The following SLC22A24 variants were observed in gnomAD, a reference collection of about 807,000 sequenced individuals.
The protein encoded by SLC22A24 is steroid transmembrane transporter SLC22A24.
A neutral mutation model predicts 49.8 loss-of-function variants in SLC22A24; 53 were observed. The observed-to-expected ratio is 1.06, with a 90% CI of 0.85 to 1.34. The LOEUF (loss-of-function observed/expected upper bound fraction) is 1.34. Among genes scored for constraint, SLC22A24 ranks in the 40% most tolerant of loss-of-function variants. SLC22A24 has a pLI of 0.00. For missense variants in SLC22A24, 786 were observed against 675.9 expected (o/e 1.16, Z -1.81); for synonymous variants, 302 against 256.4 (o/e 1.18, Z -1.70).
chr11:63,124,030 G>A (rs911851091), intron 2 of SLC22A24, among the ~76,000 whole-genome samples: 13 of 152,074 alleles, frequency 8.5e-5, no homozygotes, highest in African/African-American at 2.7e-4. Context: ...GATCTTTGAG[G>A]GGGTGAAATT....
chr11:63,085,566 G>T (rs965775182), intron 6 of SLC22A24, among the ~76,000 whole-genome samples: 7 of 152,058 alleles, frequency 4.6e-5, no homozygotes, highest in African/African-American at 1.4e-4. Context: ...TCCATTTTTT[G>T]ACTGAAATGA....
rs533767959 is a variant in SLC22A24, at chr11:63,093,562, G to A, written c.1070+2429C>T. 2.6e-5 allele frequency among the ~76,000 whole-genome samples: 4 copies of A among 152,006 alleles called. No homozygotes were observed. In the East Asian group the frequency reaches 5.8e-4, roughly 22 times the overall value. ...TTGCAGGAACATGGGTGGGGCTGGAGGTTATTATCCTTAGCAAACTAATGC... is the reference window on the plus strand; with the variant it reads ...TTGCAGGAACATGGGTGGGGCTGGAAGTTATTATCCTTAGCAAACTAATGC... On this transcript the variant is annotated intron_variant, in intron 6 of 9. Coordinates refer to ENST00000612278, the MANE Select transcript of SLC22A24 (RefSeq NM_001136506.2).
chr11:63,140,719 A>G (rs1351338095), intron 1 of SLC22A24, among the ~76,000 whole-genome samples: 1 of 152,244 alleles, frequency 6.6e-6, no homozygotes, highest in African/African-American at 2.4e-5. Flanking sequence ...ACATTGGAAT[A>G]TGAAATTGAG....
chr11:63,128,612 TAGTG>T (rs1318342081), intron 2 of SLC22A24, among the ~76,000 whole-genome samples: 1 of 152,176 alleles, frequency 6.6e-6, no homozygotes, highest in East Asian at 1.9e-4. Context: ...GTAGCAGAAT[TAGTG>T]AAAGTACTAA....
In SLC22A24 at chr11:63,100,553, A is replaced by C. The variant is rs950081302; in HGVS notation, c.954+3622T>G. On this transcript the variant is annotated intron_variant, in intron 5 of 9. Coordinates refer to ENST00000612278, the MANE Select transcript of SLC22A24 (RefSeq NM_001136506.2). ...TGATATTCTTCACAGAAATAGAAAAAATAGTCTTAATGTTTTAGTGGAACC... is the reference window on the plus strand; with the variant it reads ...TGATATTCTTCACAGAAATAGAAAACATAGTCTTAATGTTTTAGTGGAACC... Among the ~76,000 whole-genome samples the C allele has an allele frequency of 7.7e-4, 117 of 152,288 alleles. 1 individual carries two copies. Among genetic ancestry groups the C allele is most frequent in the Non-Finnish European group, 1.0e-4 (7 of 68,008 alleles).
Position 63,119,007 on chromosome 11 carries a change from C to G in SLC22A24, c.735G>C (p.Gln245His). 6.4e-7 allele frequency: 1 copy of G among 1,551,728 alleles called. No homozygotes were observed. Among genetic ancestry groups the G allele is most frequent in the Non-Finnish European group, 8.7e-7 (1 of 1,146,954 alleles). The change falls in exon 4 of 10, where the codon CAG becomes CAC. Residue 245 changes from glutamine to histidine, a missense_variant. Coordinates refer to ENST00000612278, the MANE Select transcript of SLC22A24 (RefSeq NM_001136506.2). ...CAAAAGCCAGCCCTCCTAGGAGCAT[C>G]TGCCCAACACTGTAGGAACATAATA... Reference protein sequence around the residue: ...MVLLCSYSVGQMLLGGLAFAI... With the variant: ...MVLLCSYSVGHMLLGGLAFAI...
intron 6 of SLC22A24, among the ~76,000 whole-genome samples, chr11:63,090,023 G>A (rs2087009826): frequency 7.4e-6 from 1 of 135,804 alleles, no homozygotes; most frequent in Non-Finnish European, 1.5e-5. Context: ...AGAGCTTGCA[G>A]AGAGCTGAGA....
intron 2 of SLC22A24, among the ~76,000 whole-genome samples, chr11:63,120,180 A>G (rs1468239772): frequency 1.3e-5 from 2 of 150,736 alleles, no homozygotes. Context: ...GGTGTTTTAG[A>G]CATGAAGTCC....
At chr11:63,080,782 A>G (rs536270930) in intron 9 of SLC22A24, 138 bp downstream of exon 9, 25 of 692,448 alleles carry the variant, frequency 3.6e-5, no homozygotes, top group Non-Finnish European at 5.3e-5. Context: ...ACTAAAGGAC[A>G]TGGTGACAAA....
At chr11:63,080,027 C>G in intron 9 of SLC22A24, 27 bp from the exon 10 acceptor site, 1 of 1,435,578 alleles carries the variant, frequency 7.0e-7, no homozygotes, top group Non-Finnish European at 9.6e-7. Flanking sequence ...CAAACAAAAA[C>G]AAGATTAAGA....
chr11:63,091,488 C>G (rs1170616722), intron 6 of SLC22A24, among the ~76,000 whole-genome samples: 1 of 152,170 alleles, frequency 6.6e-6, no homozygotes, highest in African/African-American at 2.4e-5. Flanking sequence ...CCCTGGTGAA[C>G]ATCGATGAGA....
intron 4 of SLC22A24, among the ~76,000 whole-genome samples, chr11:63,109,209 G>T (rs937206530): frequency 1.1e-4 from 16 of 145,886 alleles, no homozygotes; most frequent in African/African-American, 4.0e-4. Context: ...GTATTCCATG[G>T]TGTATATGTG....
At position 63,081,596 on chromosome 11, in the gene SLC22A24, A is replaced by G; in HGVS notation, c.1356T>C (p.Ala452=). 1.9e-6 allele frequency: 3 copies of G among 1,551,628 alleles called. No homozygotes were observed. Among genetic ancestry groups the G allele is most frequent in the Non-Finnish European group, 1.7e-6 (2 of 1,146,908 alleles). Residue 452 remains alanine (A), a synonymous_variant, in exon 8 of 10, where the codon GCT becomes GCC. Coordinates refer to ENST00000612278, the MANE Select transcript of SLC22A24 (RefSeq NM_001136506.2). ...IGSVSAASNS[A]SVHHNELVPT... ...GGACGAGCTCGTTGTGGTGGACAGA[A>G]GCACTGTTGCTAGCAGCAGAAACAC...
At chr11:63,104,327 T>C (rs896162008) in intron 4 of SLC22A24, 29 bp from the exon 5 acceptor site, 8 of 1,528,556 alleles carry the variant, frequency 5.2e-6, no homozygotes, top group Non-Finnish European at 7.0e-6. Context: ...ATAGGTATAG[T>C]AAACAATTAC....
intron 4 of SLC22A24, among the ~76,000 whole-genome samples, chr11:63,112,398 G>A (rs944445367): frequency 4.6e-5 from 7 of 152,052 alleles, no homozygotes; most frequent in Non-Finnish European, 1.0e-4. Flanking sequence ...CAATTCCTGG[G>A]TATCCTTGTT....
Position 63,119,018 on chromosome 11 carries a change from T to C in SLC22A24, c.724A>G (p.Ser242Gly). The change falls in exon 4 of 10, where the codon AGT becomes GGT. Residue 242 changes from serine to glycine, a missense_variant. Ser to Gly is a moderately conservative substitution (Grantham distance 56). Transcript: ENST00000612278. ...CCTCCTAGGAGCATCTGCCCAACAC[T>C]GTAGGAACATAATAGCACCATTATT... ...MTIMVLLCSYSVGQMLLGGLA... is the reference protein window; with the variant it reads ...MTIMVLLCSYGVGQMLLGGLA... 1.3e-6 allele frequency: 2 copies of C among 1,551,638 alleles called. No individual in the cohort carries two copies. Among genetic ancestry groups the C allele is most frequent in the South Asian group, 2.4e-5 (2 of 84,058 alleles).
In SLC22A24 at chr11:63,143,606, A is replaced by G; in HGVS notation, c.174T>C (p.Thr58=). The change falls in exon 1 of 10, where the codon ACT becomes ACC. Residue 58 remains threonine, a synonymous_variant. Transcript: ENST00000612278. ...RCWVPLLDND[T]VSDNDTGTLS... is the part of the protein sequence containing the mutation. The stretch of plus-strand genomic sequence containing the variant: ...GGGTCCCGGTATCATTGTCAGACAC[A>G]GTGTCATTGTCCAGGAGGGGGACCC... The G allele has an allele frequency of 6.3e-7, 1 of 1,578,842 alleles. No homozygotes were observed. Among genetic ancestry groups the G allele is most frequent in the Non-Finnish European group, 8.6e-7 (1 of 1,163,892 alleles).
intron 1 of SLC22A24, among the ~76,000 whole-genome samples, chr11:63,141,811 C>T (rs1369677358): frequency 2.0e-5 from 3 of 152,134 alleles, no homozygotes; most frequent in Non-Finnish European, 4.4e-5. Flanking sequence ...AATAATCAGG[C>T]CAAGTACAGT....
chr11:63,136,422 C>G (rs908232964), intron 1 of SLC22A24, among the ~76,000 whole-genome samples: 2 of 152,208 alleles, frequency 1.3e-5, no homozygotes, highest in Admixed American at 6.5e-5. Flanking sequence ...CAATTCTTCT[C>G]CATGACAACA....
Sources: allele counts gnomAD v4.1 joint callset (sites outside exome capture counted in the v4.1 genomes callset), GRCh38; gene constraint gnomAD v4.1.1; transcripts MANE v1.5; gene names NCBI Gene and HGNC (gene_info 2026-07-23, HGNC 2026-07-21).